ERP44: variants seen among roughly 807,000 people sequenced by gnomAD.
ERP44 encodes endoplasmic reticulum resident protein 44.
In ERP44, 25 loss-of-function variants were observed where a neutral mutation model predicts 53.4. The ratio of observed to expected loss-of-function variants is 0.47; its 90% CI spans 0.34 to 0.65. The LOEUF (loss-of-function observed/expected upper bound fraction) is 0.65. ERP44 is among the 30% of genes least tolerant of loss of function. ERP44 has a pLI of 0.01. For synonymous variants in ERP44, 145 were observed against 161.2 expected (o/e 0.90, Z 0.76); for missense variants, 338 against 493.2 (o/e 0.69, Z 2.98).
At chr9:100,064,546 A>G (rs907935555) in intron 1 of ERP44, among the ~76,000 whole-genome samples, 7 of 152,346 alleles carry the variant, frequency 4.6e-5, no homozygotes, top group African/African-American at 1.7e-4. Flanking sequence ...AATCTCACAA[A>G]GGATCTTCCC....
At chr9:100,028,717 C>T (rs1444520185) in intron 4 of ERP44, among the ~76,000 whole-genome samples, 1 of 152,260 alleles carries the variant, frequency 6.6e-6, no homozygotes, top group Middle Eastern at 3.4e-3. Flanking sequence ...AGCATCAATA[C>T]TTGCAGAATG....
At chr9:100,058,634 G>T (rs1264606359) in intron 2 of ERP44, among the ~76,000 whole-genome samples, 1 of 152,154 alleles carries the variant, frequency 6.6e-6, no homozygotes, top group African/African-American at 2.4e-5. Context: ...TGTTGCACAA[G>T]ACGCCAGTTT....
chr9:100,068,633 C>A (rs554093496), intron 1 of ERP44, among the ~76,000 whole-genome samples: 155 of 143,786 alleles, frequency 1.1e-3, no homozygotes, highest in Middle Eastern at 4.2e-3. Context: ...GTCAGCCCCC[C>A]ACCCGGCCAG....
chr9:99,989,387 T>C lies in ERP44; in HGVS notation c.1017-4318A>G, dbSNP rs1182930341. The stretch of plus-strand genomic sequence containing the variant: ...CCTCCTGCAATATTTGCTGTTGTGA[T>C]ACCCAGGCAAACAGGGTCTGGAGTG... On this transcript the variant is annotated intron_variant, in intron 10 of 11. Coordinates refer to ENST00000262455, the MANE Select transcript of ERP44 (RefSeq NM_015051.3). 3.3e-5 allele frequency among the ~76,000 whole-genome samples: 5 copies of C among 152,154 alleles called. No individual in the cohort carries two copies. The South Asian group carries it at 6.2e-4, about 19-fold the overall frequency.
At chr9:100,082,755 G>GAAAAA (rs5899401) in intron 1 of ERP44, among the ~76,000 whole-genome samples, 1 of 146,832 alleles carries the variant, frequency 6.8e-6, no homozygotes. Flanking sequence ...CCTACTGTAG[G>GAAAAA]AAAAAAAAAA....
chr9:100,053,053 A>G (rs1826054510), intron 3 of ERP44, among the ~76,000 whole-genome samples: 1 of 152,148 alleles, frequency 6.6e-6, no homozygotes, highest in Non-Finnish European at 1.5e-5. Flanking sequence ...AAAATTTTAG[A>G]CTATTGTGTA....
intron 10 of ERP44, among the ~76,000 whole-genome samples, chr9:99,986,546 T>G (rs908439182): frequency 6.6e-6 from 1 of 152,268 alleles, no homozygotes; most frequent in Admixed American, 6.5e-5. Flanking sequence ...ATTATTTTTT[T>G]GGTAGCAAAC....
chr9:100,091,399 G>T (rs1356904091), intron 1 of ERP44, among the ~76,000 whole-genome samples: 1 of 152,164 alleles, frequency 6.6e-6, no homozygotes, highest in Non-Finnish European at 1.5e-5. Flanking sequence ...AGGCTAGTTA[G>T]AACCCACTAA....
At chr9:100,077,626 G>A (rs1271912081) in intron 1 of ERP44, among the ~76,000 whole-genome samples, 10 of 152,176 alleles carry the variant, frequency 6.6e-5, no homozygotes, top group Non-Finnish European at 5.9e-5. Flanking sequence ...AGATGTCTTA[G>A]TTCCAGAGGG....
intron 1 of ERP44, among the ~76,000 whole-genome samples, chr9:100,085,784 A>C (rs975295703): frequency 2.0e-5 from 3 of 152,214 alleles, no homozygotes; most frequent in African/African-American, 7.2e-5. Flanking sequence ...CTGTAATCTC[A>C]GCTACTTGGG....
intron 8 of ERP44, among the ~76,000 whole-genome samples, chr9:100,010,030 C>T (rs1163214897): frequency 1.3e-5 from 2 of 151,890 alleles, no homozygotes; most frequent in East Asian, 1.9e-4. Context: ...TCATGTGGCA[C>T]GGGGCATGAC....
intron 1 of ERP44, among the ~76,000 whole-genome samples, chr9:100,070,332 T>C (rs1475262768): frequency 1.3e-5 from 2 of 152,228 alleles, no homozygotes; most frequent in African/African-American, 2.4e-5. Flanking sequence ...TGTACATGGT[T>C]ACATTAATCT....
At chr9:100,001,695 C>G (rs1830379732) in intron 10 of ERP44, among the ~76,000 whole-genome samples, 2 of 152,278 alleles carry the variant, frequency 1.3e-5, no homozygotes, top group East Asian at 3.9e-4. Context: ...CACTTTTAGT[C>G]TACCTGTGTC....
At chr9:99,999,061 T>C in intron 10 of ERP44, 2 of 745,318 alleles carry the variant, frequency 2.7e-6, no homozygotes, top group Non-Finnish European at 4.8e-6. Context: ...AGGAGGCGGA[T>C]GACCGCCTGC....
chr9:100,060,183 A>G lies in ERP44; in HGVS notation c.58-11T>C. 1 of 1,490,088 alleles carries G rather than the reference A, an allele frequency of 6.7e-7. No individual in the cohort carries two copies. The highest frequency in any genetic ancestry group is 8.9e-7 in the Non-Finnish European group (1 of 1,122,084). 92.3% of individuals were successfully genotyped at this position (1,490,088 alleles called of 1,614,324 possible). ...AAAAACCCAAGTTACCTGAAAATTT[A>G]AAAAATGAGAAATTAATAAATGTGT... On this transcript the variant is annotated splice_polypyrimidine_tract_variant and intron_variant, in intron 1 of 11. Transcript: ENST00000262455.
chr9:100,035,699 A>G (rs1825842533), intron 4 of ERP44, among the ~76,000 whole-genome samples: 1 of 152,122 alleles, frequency 6.6e-6, no homozygotes, highest in South Asian at 2.1e-4. Context: ...TAAAAATAAA[A>G]ACAAAAAGTA....
chr9:100,078,068 A>T (rs1274446458), intron 1 of ERP44, among the ~76,000 whole-genome samples: 1 of 152,258 alleles, frequency 6.6e-6, no homozygotes, highest in African/African-American at 2.4e-5. Flanking sequence ...AGTTACGACC[A>T]TGTGGCCAGC....
In ERP44 at chr9:100,018,286, A is replaced by T. The variant is rs780942368; in HGVS notation, c.615T>A (p.Ser205Arg). ...GTGGTTTGTAGATTATGTTGTCGCC[A>T]CTATATCTTTCCGGTTTTGAAACAT... ...FGDVSKPERY[S>R]GDNIIYKPPG... Residue 205 changes from serine to arginine, a missense_variant, in exon 7 of 12, where the codon AGT becomes AGA. By Grantham distance (110) the Ser-to-Arg change is moderately radical. Around this residue, in one of 3 missense-constraint regions of ERP44, gnomAD observed 224 missense variants for 301.4 expected, o/e 0.74. Coordinates refer to ENST00000262455, the MANE Select transcript of ERP44 (RefSeq NM_015051.3). 1.2e-6 allele frequency: 2 copies of T among 1,607,698 alleles called. No homozygotes were observed. Among genetic ancestry groups the T allele is most frequent in the South Asian group, 1.1e-5 (1 of 90,972 alleles).
At chr9:99,990,088 A>G (rs1413409863) in intron 10 of ERP44, among the ~76,000 whole-genome samples, 1 of 152,208 alleles carries the variant, frequency 6.6e-6, no homozygotes, top group African/African-American at 2.4e-5. Context: ...AGGCTGGAAA[A>G]CACTCTTCAG....
Sources: allele counts gnomAD v4.1 joint callset (sites outside exome capture counted in the v4.1 genomes callset), GRCh38; gene constraint gnomAD v4.1.1; regional missense constraint gnomAD v4.1.1; transcripts MANE v1.5; gene names NCBI Gene and HGNC (gene_info 2026-07-23, HGNC 2026-07-21).